EEF2K: variants seen among roughly 807,000 people sequenced by gnomAD.
EEF2K encodes the protein eukaryotic elongation factor 2 kinase.
EEF2K carries 70 observed loss-of-function variants against 93.8 expected under a neutral mutation model. The ratio of observed to expected loss-of-function variants is 0.75; its 90% CI spans 0.62 to 0.91. EEF2K has a LOEUF of 0.91. Ranked by LOEUF, EEF2K falls within the 40% of genes least tolerant of loss-of-function variation. The probability of loss-of-function intolerance (pLI) is 0.00; values close to 1 mark genes in which losing one functional copy is unlikely to be tolerated. For missense variants in EEF2K, 935 were observed against 972.9 expected (o/e 0.96, Z 0.52); for synonymous variants, 376 against 380.8 (o/e 0.99, Z 0.15).
intron 1 of EEF2K, among the ~76,000 whole-genome samples, chr16:22,209,276 C>A (rs2142097013): frequency 6.6e-6 from 1 of 152,314 alleles, no homozygotes; most frequent in South Asian, 2.1e-4. Flanking sequence ...AAGTGATCCA[C>A]CCGCCTCCCA....
chr16:22,260,659 T>G, intron 11 of EEF2K, 130 bp downstream of exon 11: 1 of 1,117,876 alleles, frequency 8.9e-7, no homozygotes, highest in Non-Finnish European at 1.3e-6. Flanking sequence ...GGGCACAGAA[T>G]GGGGGAATTA....
At chr16:22,237,972 T>C (rs2047183573) in intron 2 of EEF2K, among the ~76,000 whole-genome samples, 1 of 152,098 alleles carries the variant, frequency 6.6e-6, no homozygotes, top group Non-Finnish European at 1.5e-5. Context: ...AACTTGCTTT[T>C]TTCCCCCCTA....
chr16:22,247,613 C>G (rs565803122), intron 3 of EEF2K, among the ~76,000 whole-genome samples: 11 of 152,230 alleles, frequency 7.2e-5, no homozygotes, highest in Admixed American at 1.3e-4. Context: ...CCTTGCTGGC[C>G]AACTCAGTCT....
At chr16:22,250,840 G>A (rs928751737) in intron 5 of EEF2K, 149 bp downstream of exon 5, 22 of 1,055,360 alleles carry the variant, frequency 2.1e-5, no homozygotes, top group East Asian at 5.1e-5. Context: ...AGTCTCCCTC[G>A]GGCCACACAT....
At chr16:22,279,857 G>A (rs1012068703) in intron 16 of EEF2K, among the ~76,000 whole-genome samples, 6 of 152,130 alleles carry the variant, frequency 3.9e-5, no homozygotes, top group Non-Finnish European at 5.9e-5. Flanking sequence ...TTAGCTGGGT[G>A]TGGTGGCGTG....
intron 1 of EEF2K, among the ~76,000 whole-genome samples, chr16:22,206,962 CAGAG>C (rs916821926): frequency 3.2e-4 from 48 of 152,298 alleles, no homozygotes; most frequent in Admixed American, 4.6e-4. Context: ...CTGCAAGTGA[CAGAG>C]AGTTTGGGGG....
intron 15 of EEF2K, among the ~76,000 whole-genome samples, chr16:22,268,678 G>A (rs1326547017): frequency 6.6e-6 from 1 of 151,468 alleles, no homozygotes; most frequent in Non-Finnish European, 1.5e-5. Context: ...GCTTAACGAT[G>A]GGTGCAGTGG....
intron 10 of EEF2K, 90 bp downstream of exon 10, chr16:22,258,785 G>A: frequency 6.5e-7 from 1 of 1,549,110 alleles, no homozygotes; most frequent in East Asian, 2.3e-5. Flanking sequence ...AGAAAAATCA[G>A]ACATGCTAAT....
At chr16:22,257,462 G>A (rs2047414434) in intron 8 of EEF2K, 77 bp downstream of exon 8, 4 of 1,579,688 alleles carry the variant, frequency 2.5e-6, no homozygotes, top group South Asian at 1.2e-5. Flanking sequence ...GTACAGCCAA[G>A]GAAACAGGCT....
intron 2 of EEF2K, among the ~76,000 whole-genome samples, chr16:22,229,240 C>G (rs188500892): frequency 6.6e-6 from 1 of 152,236 alleles, no homozygotes; most frequent in Admixed American, 6.5e-5. Context: ...TGAAAGCACC[C>G]CTGCATATGC....
intron 1 of EEF2K, among the ~76,000 whole-genome samples, chr16:22,215,653 G>A (rs1043163893): frequency 9.2e-5 from 14 of 152,082 alleles, no homozygotes; most frequent in African/African-American, 2.9e-4. Context: ...AGCCAGACAC[G>A]GTGACTCACA....
chr16:22,218,486 T>C (rs2046980435), intron 1 of EEF2K, among the ~76,000 whole-genome samples: 1 of 152,204 alleles, frequency 6.6e-6, no homozygotes, highest in Admixed American at 6.5e-5. Context: ...CCACTGTGGC[T>C]TGACCCGCAG....
intron 17 of EEF2K, among the ~76,000 whole-genome samples, chr16:22,281,123 C>T (rs1317984464): frequency 4.0e-5 from 6 of 149,658 alleles, no homozygotes; most frequent in African/African-American, 1.5e-4. Context: ...GATGGGGTTT[C>T]ACCATGTTGG....
intron 1 of EEF2K, among the ~76,000 whole-genome samples, chr16:22,208,058 T>C (rs2046880242): frequency 6.6e-6 from 1 of 152,214 alleles, no homozygotes; most frequent in Non-Finnish European, 1.5e-5. Context: ...AGGACATGAA[T>C]TTCAGTGTAA....
At chr16:22,278,694 T>C (rs1029396354) in intron 16 of EEF2K, among the ~76,000 whole-genome samples, 4 of 152,124 alleles carry the variant, frequency 2.6e-5, no homozygotes, top group Non-Finnish European at 4.4e-5. Context: ...TGTGTCGCTG[T>C]ATTTGCTCTT....
intron 16 of EEF2K, among the ~76,000 whole-genome samples, chr16:22,275,489 C>T (rs1203778295): frequency 7.1e-6 from 1 of 141,640 alleles, no homozygotes; most frequent in Non-Finnish European, 1.5e-5. Flanking sequence ...ATTACAGGTG[C>T]CTGCCACTGT....
chr16:22,243,300 G>A (rs1472758771), intron 2 of EEF2K, among the ~76,000 whole-genome samples: 1 of 147,908 alleles, frequency 6.8e-6, no homozygotes, highest in Admixed American at 6.8e-5. Flanking sequence ...CACTCAGGCT[G>A]GAGTGCAATG....
intron 11 of EEF2K, among the ~76,000 whole-genome samples, chr16:22,261,102 G>A (rs1383981176): frequency 1.3e-5 from 2 of 152,152 alleles, no homozygotes; most frequent in Admixed American, 6.5e-5. Flanking sequence ...GCCAGGCATG[G>A]TAGCTCATGC....
chr16:22,257,584 C>G (rs969732005), intron 8 of EEF2K, 59 bp from the exon 9 acceptor site: 23 of 1,594,134 alleles, frequency 1.4e-5, no homozygotes, highest in Non-Finnish European at 1.9e-5. Flanking sequence ...AGGCCCACCA[C>G]TGCCTGTCCC....
Sources: allele counts gnomAD v4.1 joint callset (sites outside exome capture counted in the v4.1 genomes callset), GRCh38; gene constraint gnomAD v4.1.1; transcripts MANE v1.5; gene names NCBI Gene and HGNC (gene_info 2026-07-23, HGNC 2026-07-21).